Variants in ADIPOR2 observed in about 807,000 individuals in gnomAD.
ADIPOR2 encodes the protein adiponectin receptor 2, also known as adiponectin receptor protein 2.
ADIPOR2 carries 18 observed loss-of-function variants against 40.9 expected under a neutral mutation model. The observed-to-expected ratio is 0.44, with a 90% CI of 0.30 to 0.65. The LOEUF is 0.65. Ranked by LOEUF, ADIPOR2 falls within the 30% of genes least tolerant of loss-of-function variation. The pLI, the probability that ADIPOR2 is intolerant of heterozygous loss-of-function variation, is 0.09. For missense variants in ADIPOR2, 283 were observed against 479.2 expected (o/e 0.59, Z 3.82); for synonymous variants, 165 against 166.4 (o/e 0.99, Z 0.06).
intron 1 of ADIPOR2, among the ~76,000 whole-genome samples, chr12:1,744,010 A>T (rs1222957405): frequency 6.6e-6 from 1 of 152,166 alleles, no homozygotes; most frequent in East Asian, 1.9e-4. Flanking sequence ...TATGTTGGAT[A>T]GAGGTTATAG....
At chr12:1,757,197 G>A (rs542330264) in intron 2 of ADIPOR2, 27 of 387,574 alleles carry the variant, frequency 7.0e-5, no homozygotes, top group Middle Eastern at 7.0e-4. Flanking sequence ...TTTTAATTAC[G>A]TACAAAGATC....
Position 1,752,998 on chromosome 12 carries a change from C to T in ADIPOR2, c.-86-1260C>T, listed in dbSNP as rs527281817. Among the ~76,000 whole-genome samples the T allele has an allele frequency of 1.5e-4, 23 of 152,202 alleles. No individual in the cohort carries two copies. The South Asian group carries it at 4.8e-3, about 32-fold the overall frequency. On this transcript the variant is annotated intron_variant, in intron 1 of 7. Coordinates refer to ENST00000357103, the MANE Select transcript of ADIPOR2 (RefSeq NM_024551.3). Reference sequence around the variant, plus strand: ...TTCTTGCCCTACATACTTCGAAAGCCCTTGGAGAAATCCTACAGCAAATTC... The same window carrying T: ...TTCTTGCCCTACATACTTCGAAAGCTCTTGGAGAAATCCTACAGCAAATTC...
At chr12:1,699,113 G>A (rs1367811589) in intron 1 of ADIPOR2, among the ~76,000 whole-genome samples, 1 of 152,084 alleles carries the variant, frequency 6.6e-6, no homozygotes, top group Non-Finnish European at 1.5e-5. Context: ...CTGGGTGCCT[G>A]CCTAATAGAC....
chr12:1,712,821 AGGCTGTATTC>A (rs2094680271), intron 1 of ADIPOR2, among the ~76,000 whole-genome samples: 1 of 152,128 alleles, frequency 6.6e-6, no homozygotes, highest in African/African-American at 2.4e-5. Flanking sequence ...AAGCCAGTAT[AGGCTGTATTC>A]GTTTCTTGCT....
rs553727192 is a variant in ADIPOR2, at chr12:1,780,617, G to C, written c.630G>C (p.Gly210=). 6.3e-7 allele frequency: 1 copy of C among 1,599,614 alleles called. No homozygotes were observed. The highest frequency in any genetic ancestry group is 1.1e-5 in the South Asian group (1 of 88,288). ...LFHTVYCHSE[G]VSRLFSKLDY... is the part of the protein sequence containing the mutation. Reference sequence around the variant, plus strand: ...ACACAGTCTACTGCCACTCAGAGGGGGTCTCTCGGCTCTTCTCTAAGTAAG... The same window carrying C: ...ACACAGTCTACTGCCACTCAGAGGGCGTCTCTCGGCTCTTCTCTAAGTAAG... The change falls in exon 5 of 8, where the codon GGG becomes GGC. Residue 210 remains glycine (G), a synonymous_variant. Transcript: ENST00000357103.
At chr12:1,773,106 C>A in intron 3 of ADIPOR2, 145 bp downstream of exon 3, 4 of 1,020,506 alleles carry the variant, frequency 3.9e-6, no homozygotes, top group Non-Finnish European at 5.4e-6. Context: ...GGTCTTGGGA[C>A]TCTAATCCTG....
At chr12:1,710,431 C>T (rs570449693) in intron 1 of ADIPOR2, among the ~76,000 whole-genome samples, 41 of 152,108 alleles carry the variant, frequency 2.7e-4, no homozygotes, top group African/African-American at 9.9e-4. Context: ...CTGGACACAT[C>T]TTGGTGACCC....
chr12:1,740,049 C>T (rs998421284), intron 1 of ADIPOR2, among the ~76,000 whole-genome samples: 3 of 152,014 alleles, frequency 2.0e-5, no homozygotes, highest in African/African-American at 7.3e-5. Flanking sequence ...TTGCAGTGAA[C>T]TGAGATTGCA....
At chr12:1,736,079 G>T (rs558082326) in intron 1 of ADIPOR2, among the ~76,000 whole-genome samples, 2 of 152,156 alleles carry the variant, frequency 1.3e-5, no homozygotes, top group African/African-American at 4.8e-5. Context: ...TCTCTGCCAG[G>T]CTTTGGTATC....
chr12:1,734,298 C>T (rs2094726163), intron 1 of ADIPOR2, among the ~76,000 whole-genome samples: 1 of 152,136 alleles, frequency 6.6e-6, no homozygotes, highest in Non-Finnish European at 1.5e-5. Flanking sequence ...TTAATGATTG[C>T]CATTCTAACT....
At chr12:1,732,313 A>C (rs142793939) in intron 1 of ADIPOR2, among the ~76,000 whole-genome samples, 74 of 152,312 alleles carry the variant, frequency 4.9e-4, no homozygotes, top group African/African-American at 1.7e-3. Flanking sequence ...TCAGTGTTTC[A>C]TCTACTCATC....
At chr12:1,784,929 A>G (rs2154444586) in intron 7 of ADIPOR2, among the ~76,000 whole-genome samples, 1 of 152,350 alleles carries the variant, frequency 6.6e-6, no homozygotes, top group Middle Eastern at 3.4e-3. Flanking sequence ...CTATCTGTAA[A>G]ATGAAGATGA....
At chr12:1,764,652 C>T (rs921438001) in intron 2 of ADIPOR2, among the ~76,000 whole-genome samples, 6 of 151,868 alleles carry the variant, frequency 4.0e-5, no homozygotes, top group African/African-American at 1.5e-4. Flanking sequence ...CCTGTATAAC[C>T]AGCACTCCTG....
In ADIPOR2 at chr12:1,787,566, A is replaced by G. The variant is rs966910373; in HGVS notation, c.*1494A>G. 6.6e-5 allele frequency: 10 copies of G among 152,232 alleles called. No homozygotes were observed. The highest frequency in any genetic ancestry group is 2.4e-4 in the African/African-American group (10 of 41,438). 9.4% of individuals were successfully genotyped at this position (152,232 alleles called of 1,614,324 possible). ...AAGTGGTGGGGAAAGGATCTGGTTCATGGAATTCTGATCTTGGCCCATAGG... is the reference window on the plus strand; with the variant it reads ...AAGTGGTGGGGAAAGGATCTGGTTCGTGGAATTCTGATCTTGGCCCATAGG... On this transcript the variant is annotated 3_prime_UTR_variant, in exon 8 of 8. Coordinates refer to ENST00000357103, the MANE Select transcript of ADIPOR2 (RefSeq NM_024551.3).
At chr12:1,700,577 A>G (rs1002341986) in intron 1 of ADIPOR2, among the ~76,000 whole-genome samples, 1 of 152,214 alleles carries the variant, frequency 6.6e-6, no homozygotes, top group African/African-American at 2.4e-5. Context: ...TCTTTTCCCA[A>G]GTGACAGCAT....
At chr12:1,701,622 T>C (rs1000243267) in intron 1 of ADIPOR2, among the ~76,000 whole-genome samples, 3 of 152,228 alleles carry the variant, frequency 2.0e-5, no homozygotes, top group Admixed American at 1.3e-4. Context: ...GACAGTTTCA[T>C]ATGGCCCACC....
intron 1 of ADIPOR2, among the ~76,000 whole-genome samples, chr12:1,751,817 C>T (rs1371925744): frequency 2.0e-5 from 3 of 150,048 alleles, no homozygotes; most frequent in Admixed American, 2.0e-4. Context: ...ACTGTGCCCG[C>T]CTGAGCGTGC....
chr12:1,705,767 AT>A (rs2094660961), intron 1 of ADIPOR2, among the ~76,000 whole-genome samples: 2 of 152,176 alleles, frequency 1.3e-5, no homozygotes, highest in Admixed American at 1.3e-4. Context: ...CTTTAAAGAC[AT>A]TGTTTTTGTA....
intron 1 of ADIPOR2, among the ~76,000 whole-genome samples, chr12:1,744,325 T>G (rs1282469472): frequency 6.6e-6 from 1 of 152,052 alleles, no homozygotes; most frequent in Non-Finnish European, 1.5e-5. Flanking sequence ...AGAATGGTCT[T>G]GATCTCCTGA....
Sources: gnomAD v4.1 joint callset for allele counts (sites outside exome capture counted in the v4.1 genomes callset) on GRCh38, gnomAD v4.1.1 for gene constraint, MANE v1.5 for transcripts, NCBI Gene and HGNC (gene_info 2026-07-23, HGNC 2026-07-21) for gene names.